Variants in NSD2 observed in about 807,000 individuals in gnomAD.
NSD2 encodes histone-lysine N-methyltransferase NSD2.
A neutral mutation model predicts 139.0 loss-of-function variants in NSD2; 12 were observed. The ratio of observed to expected loss-of-function variants is 0.09; its 90% CI spans 0.06 to 0.14. The LOEUF (loss-of-function observed/expected upper bound fraction) is 0.14. NSD2 is among the 10% of genes least tolerant of loss of function. The pLI is 1.00. For synonymous variants in NSD2, 669 were observed against 648.7 expected (o/e 1.03, Z -0.48); for missense variants, 1,155 against 1,745.0 (o/e 0.66, Z 6.02).
chr4:1,922,489 A>C (rs557985560), intron 5 of NSD2, among the ~76,000 whole-genome samples: 56 of 152,236 alleles, frequency 3.7e-4, no homozygotes, highest in Non-Finnish European at 6.9e-4. Context: ...TCCCTTTAAT[A>C]ATCTATAAAT....
chr4:1,906,397 C>T (rs1354648496), intron 3 of NSD2, among the ~76,000 whole-genome samples: 3 of 151,884 alleles, frequency 2.0e-5, no homozygotes, highest in Non-Finnish European at 4.4e-5. Context: ...TGCCACCACA[C>T]CTGGCTAATT....
In NSD2 at chr4:1,935,461, G is replaced by A. The variant is rs538137832; in HGVS notation, c.1674+199G>A. Among the ~76,000 whole-genome samples, 52 of 152,316 alleles carry A rather than the reference G, an allele frequency of 3.4e-4. No individual in the cohort carries two copies. The South Asian group carries it at 4.1e-3, about 12-fold the overall frequency. On this transcript the variant is annotated intron_variant, in intron 7 of 21. Coordinates refer to ENST00000508803, the MANE Select transcript of NSD2 (RefSeq NM_001042424.3). ...GCTGCTTGCAGGTTCTTACCCTCCA[G>A]GGGTGTTATCACAGAAACCGATGGT...
chr4:1,896,836 T>G (rs1234846002), intron 1 of NSD2, among the ~76,000 whole-genome samples: 1 of 151,906 alleles, frequency 6.6e-6, no homozygotes, highest in African/African-American at 2.4e-5. Context: ...CTTTCTTCTC[T>G]TCTCTTTTCT....
rs77607221 is a variant in NSD2 at position 1,892,485 on chromosome 4, C to T, written c.-29-8141C>T. Among the ~76,000 whole-genome samples the T allele has an allele frequency of 1.1e-4, 17 of 152,292 alleles. No individual in the cohort carries two copies. In the East Asian group the frequency reaches 2.9e-3, roughly 26 times the overall value. ...AATGTGAATAATTAGTTATATAATT[C>T]CTAAGCACTTATTTTAAAAAACAGC... On this transcript the variant is annotated intron_variant, in intron 1 of 21. Transcript: ENST00000508803.
intron 1 of NSD2, among the ~76,000 whole-genome samples, chr4:1,882,556 C>T (rs371486720): frequency 4.6e-5 from 7 of 152,174 alleles, no homozygotes; most frequent in East Asian, 1.9e-4. Flanking sequence ...CCCAGCTACT[C>T]GGGAGGCTGA....
At chr4:1,873,866 T>A (rs1158009413) in intron 1 of NSD2, among the ~76,000 whole-genome samples, 3 of 152,220 alleles carry the variant, frequency 2.0e-5, no homozygotes, top group African/African-American at 7.2e-5. Flanking sequence ...TATTTATTTT[T>A]AGAGACAGGG....
intron 5 of NSD2, among the ~76,000 whole-genome samples, chr4:1,924,609 A>G (rs1720605508): frequency 6.6e-6 from 1 of 152,126 alleles, no homozygotes; most frequent in Non-Finnish European, 1.5e-5. Context: ...CTGAAGGTAT[A>G]CAGTTAAAAC....
chr4:1,920,280 T>C (rs910836146), intron 5 of NSD2, among the ~76,000 whole-genome samples: 1 of 151,902 alleles, frequency 6.6e-6, no homozygotes, highest in Non-Finnish European at 1.5e-5. Flanking sequence ...TGAAACCTTG[T>C]CTCTACTAAA....
At chr4:1,913,370 C>T (rs1263441897) in intron 3 of NSD2, among the ~76,000 whole-genome samples, 1 of 152,228 alleles carries the variant, frequency 6.6e-6, no homozygotes, top group Admixed American at 6.5e-5. Context: ...GACTCTGCTC[C>T]ACCACCTCTT....
chr4:1,938,424 T>C (rs1193256922), intron 7 of NSD2, 27 bp from the exon 8 acceptor site: 11 of 1,124,482 alleles, frequency 9.8e-6, no homozygotes, highest in African/African-American at 3.5e-5. Context: ...TTCTTTTTTT[T>C]TTTTTTTTTT....
chr4:1,949,558 C>G (rs1227137993), intron 9 of NSD2, among the ~76,000 whole-genome samples: 2 of 152,114 alleles, frequency 1.3e-5, no homozygotes, highest in Non-Finnish European at 2.9e-5. Context: ...GTCAGGAGTT[C>G]AAGACCAGCC....
At position 1,953,490 on chromosome 4, in the gene NSD2, T is replaced by C. The variant is rs755354772; in HGVS notation, c.2304T>C (p.His768=). ...RCPLHSCVSC[H]ASNPSNPRPS... Reference sequence around the variant, plus strand: ...CCCTCCACAGCTGTGTGAGCTGCCATGCTTCCAACCCTTCAAACCCAAGGC... The same window carrying C: ...CCCTCCACAGCTGTGTGAGCTGCCACGCTTCCAACCCTTCAAACCCAAGGC... Residue 768 remains histidine (H), a synonymous_variant, in exon 12 of 22, where the codon CAT becomes CAC. Coordinates refer to ENST00000508803, the MANE Select transcript of NSD2 (RefSeq NM_001042424.3). 2 of 1,613,760 alleles carry C rather than the reference T, an allele frequency of 1.2e-6. No homozygotes were observed. Among genetic ancestry groups the C allele is most frequent in the Non-Finnish European group, 1.7e-6 (2 of 1,179,904 alleles).
intron 11 of NSD2, 99 bp downstream of exon 11, chr4:1,952,330 G>T (rs973162884): frequency 1.3e-6 from 2 of 1,536,020 alleles, no homozygotes; most frequent in Non-Finnish European, 1.8e-6. Context: ...CAGAGGACAA[G>T]CCCCCTCCCC....
Position 1,974,549 on chromosome 4 carries a change from G to A in NSD2, c.3373-314G>A, listed in dbSNP as rs1212883673. 3 of 472,408 alleles carry A rather than the reference G, an allele frequency of 6.4e-6. No homozygotes were observed. The highest frequency in any genetic ancestry group is 1.2e-5 in the Non-Finnish European group (3 of 246,676). 29.3% of individuals were successfully genotyped at this position (472,408 alleles called of 1,614,324 possible). A position where few individuals can be genotyped will look rare whatever the true frequency, so the allele number is the denominator to read the frequency against. ...TTGTTCTTGTCCTTGAGTGCCACTT[G>A]GCTAGGCTGTTGCTGCTGACCTTAG... is the stretch of plus-strand genomic sequence containing the variant. On this transcript the variant is annotated intron_variant, in intron 18 of 21. Coordinates refer to ENST00000508803, the MANE Select transcript of NSD2 (RefSeq NM_001042424.3). This position sits in a 1 kb window ranked among gnomAD's most constrained non-coding sequence, Gnocchi z 4.0.
intron 1 of NSD2, among the ~76,000 whole-genome samples, chr4:1,899,999 C>G (rs1716941695): frequency 6.6e-6 from 1 of 152,162 alleles, no homozygotes; most frequent in Admixed American, 6.5e-5. Context: ...ATTGCTTTCA[C>G]CCTTGGAGAC....
At chr4:1,880,158 G>C (rs1158649546) in intron 1 of NSD2, among the ~76,000 whole-genome samples, 2 of 152,002 alleles carry the variant, frequency 1.3e-5, no homozygotes, top group Admixed American at 1.3e-4. Flanking sequence ...TCCAAAATTC[G>C]GAGTTGGTGT....
chr4:1,977,968 C>T (rs1028954115), intron 21 of NSD2, among the ~76,000 whole-genome samples: 1 of 151,772 alleles, frequency 6.6e-6, no homozygotes, highest in Non-Finnish European at 1.5e-5. Context: ...CTCTACTGAA[C>T]ATAGAAAAAT....
At chr4:1,935,882 C>A (rs979205105) in intron 7 of NSD2, among the ~76,000 whole-genome samples, 27 of 151,766 alleles carry the variant, frequency 1.8e-4, no homozygotes, top group African/African-American at 2.4e-4. Context: ...AACAAAAAAA[C>A]CCCCAAACAC....
chr4:1,873,016 C>G (rs553357768), intron 1 of NSD2, among the ~76,000 whole-genome samples: 4 of 152,188 alleles, frequency 2.6e-5, no homozygotes, highest in Non-Finnish European at 4.4e-5. Context: ...TGCTCTCATT[C>G]CCCACAACTG....
Sources: allele counts gnomAD v4.1 joint callset (sites outside exome capture counted in the v4.1 genomes callset), GRCh38; gene constraint gnomAD v4.1.1; non-coding constraint Gnocchi (gnomAD v3.1); transcripts MANE v1.5; gene names NCBI Gene and HGNC (gene_info 2026-07-23, HGNC 2026-07-21).